Variants in ATP8A1 observed in about 807,000 individuals in gnomAD.
The protein encoded by ATP8A1 is phospholipid-transporting ATPase IA.
ATP8A1 carries 90 observed loss-of-function variants against 177.7 expected under a neutral mutation model. The observed-to-expected ratio is 0.51, with a 90% CI of 0.43 to 0.60. The LOEUF (loss-of-function observed/expected upper bound fraction) is 0.60, where lower values mean the gene tolerates loss of function less well. Among genes scored for constraint, ATP8A1 ranks in the 20% least tolerant of loss-of-function variants. ATP8A1 has a pLI of 0.00. For missense variants in ATP8A1, 1,072 were observed against 1,392.8 expected, an observed-to-expected ratio of 0.77 and a Z score of 3.67; for synonymous variants, 493 against 485.9, an observed-to-expected ratio of 1.01 and a Z score of -0.19.
chr4:42,446,102 GA>G (rs879460592), intron 31 of ATP8A1, among the ~76,000 whole-genome samples: 4 of 104,304 alleles, frequency 3.8e-5, no homozygotes, highest in East Asian at 4.0e-4. Flanking sequence ...AAAAAAAAGA[GA>G]AGAGATATAG....
intron 33 of ATP8A1, among the ~76,000 whole-genome samples, chr4:42,424,795 A>G (rs1714396064): frequency 6.6e-6 from 1 of 152,216 alleles, no homozygotes; most frequent in South Asian, 2.1e-4. Flanking sequence ...CCGCAGGTTC[A>G]GGGACGCTAA....
Position 42,412,034 on chromosome 4 carries a change from C to T in ATP8A1, c.*882G>A, listed in dbSNP as rs996220504. The T allele has an allele frequency of 2.6e-5, 4 of 152,192 alleles. No homozygotes were observed. The highest frequency in any genetic ancestry group is 5.9e-5 in the Non-Finnish European group (4 of 68,036). The allele number at this position is 152,192 out of a possible 1,614,324, so 9.4% of individuals were successfully genotyped here. A position where few individuals can be genotyped will look rare whatever the true frequency, so the allele number is the denominator to read the frequency against. On this transcript the variant is annotated 3_prime_UTR_variant, in exon 37 of 37. Transcript: ENST00000381668. Reference sequence around the variant, plus strand: ...AACTTTAAGACAAAATGACATCACTCAATCTACTGCATTAGCCAGATTTTT... The same window carrying T: ...AACTTTAAGACAAAATGACATCACTTAATCTACTGCATTAGCCAGATTTTT...
At chr4:42,471,853 C>T (rs559017825) in intron 25 of ATP8A1, 11 of 592,220 alleles carry the variant, frequency 1.9e-5, no homozygotes, top group East Asian at 3.8e-5. Flanking sequence ...AACAGCGAGA[C>T]GCCAAACGAG....
At chr4:42,490,819 C>CT (rs746816236) in intron 24 of ATP8A1, among the ~76,000 whole-genome samples, 1 of 152,202 alleles carries the variant, frequency 6.6e-6, no homozygotes, top group Non-Finnish European at 1.5e-5. Context: ...ATCAATACCT[C>CT]TATCTTTTGG....
At chr4:42,567,139 G>A (rs1253832129) in intron 15 of ATP8A1, among the ~76,000 whole-genome samples, 5 of 152,162 alleles carry the variant, frequency 3.3e-5, no homozygotes, top group Non-Finnish European at 7.4e-5. Context: ...ATCACTCCAC[G>A]TAACCTTGGA....
intron 9 of ATP8A1, among the ~76,000 whole-genome samples, chr4:42,583,416 T>C (rs115370813): frequency 1.7e-3 from 254 of 152,306 alleles, no homozygotes; most frequent in African/African-American, 5.9e-3. Context: ...GGGTTTCCAA[T>C]AACTTCTTGG....
intron 33 of ATP8A1, among the ~76,000 whole-genome samples, chr4:42,428,236 C>T (rs1449357822): frequency 1.3e-5 from 2 of 152,226 alleles, no homozygotes; most frequent in African/African-American, 4.8e-5. Context: ...TCACCTGTGG[C>T]TTAGATTTCT....
chr4:42,507,772 AGGC>A, intron 22 of ATP8A1, among the ~76,000 whole-genome samples: 1 of 110,474 alleles, frequency 9.1e-6, no homozygotes, highest in Non-Finnish European at 1.9e-5. Context: ...TAAAAAGGAC[AGGC>A]ATTCTAAAAA....
intron 27 of ATP8A1, among the ~76,000 whole-genome samples, chr4:42,462,119 A>C (rs902911276): frequency 2.0e-5 from 3 of 152,200 alleles, no homozygotes; most frequent in Non-Finnish European, 4.4e-5. Context: ...AAGTTCAAAA[A>C]ATTTGCAGCC....
At chr4:42,589,381 A>G (rs969806222) in intron 7 of ATP8A1, among the ~76,000 whole-genome samples, 5 of 152,226 alleles carry the variant, frequency 3.3e-5, no homozygotes, top group Admixed American at 6.5e-5. Flanking sequence ...AACACCTGGA[A>G]TTTTCTAATC....
chr4:42,434,319 G>A (rs1305242258), intron 33 of ATP8A1, among the ~76,000 whole-genome samples: 1 of 152,014 alleles, frequency 6.6e-6, no homozygotes, highest in Non-Finnish European at 1.5e-5. Flanking sequence ...TTATAATTTT[G>A]TGATGGTTCT....
intron 33 of ATP8A1, among the ~76,000 whole-genome samples, chr4:42,436,900 C>T (rs940289865): frequency 1.3e-5 from 2 of 152,238 alleles, no homozygotes; most frequent in Admixed American, 1.3e-4. Flanking sequence ...AAATAGGCAA[C>T]AGCACAATTT....
Position 42,579,971 on chromosome 4 carries a change from G to A in ATP8A1, c.842C>T (p.Thr281Ile). The A allele has an allele frequency of 6.3e-7, 1 of 1,596,546 alleles. No homozygotes were observed. Among genetic ancestry groups the A allele is most frequent in the East Asian group, 2.2e-5 (1 of 44,476 alleles). ...GHDTKLMQNS[T>I]SPPLKLSNVE... ...ATTTGAGAGCTTAAGTGGTGGACTT[G>A]TTGAATTCTGTAAAAAGAAACAAGA... Residue 281 changes from threonine (T) to isoleucine (I), a missense_variant, in exon 11 of 37, where the codon ACA becomes ATA. By Grantham distance (89) the Thr-to-Ile change is moderately conservative. Around this residue, in one of 5 missense-constraint regions of ATP8A1, gnomAD observed 344 missense variants for 393.5 expected, o/e 0.87. Transcript: ENST00000381668.
chr4:42,484,014 T>C (rs1721955048), intron 25 of ATP8A1, among the ~76,000 whole-genome samples: 2 of 152,234 alleles, frequency 1.3e-5, no homozygotes, highest in African/African-American at 4.8e-5. Context: ...CCAGCAATCA[T>C]AACACTTGTG....
chr4:42,580,603 T>C (rs145332215), intron 10 of ATP8A1, among the ~76,000 whole-genome samples: 15 of 152,330 alleles, frequency 9.8e-5, no homozygotes, highest in African/African-American at 3.6e-4. Context: ...AATGTCAGAA[T>C]GAATATGAAA....
At chr4:42,447,562 TAAGC>T (rs920695271) in intron 30 of ATP8A1, among the ~76,000 whole-genome samples, 1 of 152,138 alleles carries the variant, frequency 6.6e-6, no homozygotes, top group African/African-American at 2.4e-5. Context: ...CAAGTGAAAA[TAAGC>T]AAGAGCTGAA....
chr4:42,556,440 C>T (rs1443249218), intron 15 of ATP8A1, among the ~76,000 whole-genome samples: 7 of 152,020 alleles, frequency 4.6e-5, no homozygotes. Context: ...AAATATTCTT[C>T]TATTTGAGTC....
intron 1 of ATP8A1, among the ~76,000 whole-genome samples, chr4:42,650,950 A>G (rs898605208): frequency 1.3e-5 from 2 of 152,150 alleles, no homozygotes; most frequent in African/African-American, 4.8e-5. Flanking sequence ...TCTCATCTTG[A>G]ATTGTAAATC....
intron 16 of ATP8A1, among the ~76,000 whole-genome samples, chr4:42,555,201 A>T (rs572032702): frequency 1.8e-5 from 2 of 110,142 alleles, no homozygotes; most frequent in Non-Finnish European, 3.8e-5. Flanking sequence ...TATCTATCCT[A>T]TTAGTTCTGC....
Sources: allele counts gnomAD v4.1 joint callset (sites outside exome capture counted in the v4.1 genomes callset), GRCh38; gene constraint gnomAD v4.1.1; regional missense constraint gnomAD v4.1.1; transcripts MANE v1.5; gene names NCBI Gene and HGNC (gene_info 2026-07-23, HGNC 2026-07-21).